Variants in ETS1 observed in about 807,000 individuals in gnomAD.
ETS1 encodes protein C-ets-1.
A neutral mutation model predicts 58.6 loss-of-function variants in ETS1; 15 were observed. That is an observed-to-expected ratio of 0.26 (90% CI 0.17 to 0.39). The LOEUF (loss-of-function observed/expected upper bound fraction) is 0.39. Ranked by LOEUF, ETS1 falls within the 10% of genes least tolerant of loss-of-function variation. ETS1 has a pLI of 1.00. For synonymous variants in ETS1, 214 were observed against 218.2 expected (o/e 0.98, Z 0.17); for missense variants, 417 against 610.5 (o/e 0.68, Z 3.34).
At chr11:128,577,961 C>T (rs1397507398) in intron 1 of ETS1, among the ~76,000 whole-genome samples, 1 of 151,440 alleles carries the variant, frequency 6.6e-6, no homozygotes, top group Non-Finnish European at 1.5e-5. Flanking sequence ...TCTCTAAGCA[C>T]CCTCATCACC....
At chr11:128,472,229 T>G (rs996772002) in intron 8 of ETS1, among the ~76,000 whole-genome samples, 1 of 152,222 alleles carries the variant, frequency 6.6e-6, no homozygotes, top group Non-Finnish European at 1.5e-5. Flanking sequence ...GCCTCAGCTC[T>G]GAATGTCAAA....
At chr11:128,503,424 C>A (rs1863142531) in intron 3 of ETS1, among the ~76,000 whole-genome samples, 2 of 152,192 alleles carry the variant, frequency 1.3e-5, no homozygotes, top group Admixed American at 1.3e-4. Context: ...TGTCAAGATG[C>A]TCAGGGTCCA....
At chr11:128,511,017 C>T (rs1863379635) in intron 3 of ETS1, among the ~76,000 whole-genome samples, 1 of 152,202 alleles carries the variant, frequency 6.6e-6, no homozygotes, top group Non-Finnish European at 1.5e-5. Context: ...CACCCTATGT[C>T]CCAAATGGAA....
At chr11:128,499,257 C>A (rs981635184) in intron 3 of ETS1, among the ~76,000 whole-genome samples, 3 of 152,200 alleles carry the variant, frequency 2.0e-5, no homozygotes, top group African/African-American at 7.2e-5. Flanking sequence ...GCCTTTGAGG[C>A]CTCATCCTCT....
At chr11:128,545,242 C>G (rs1864116209) in intron 3 of ETS1, among the ~76,000 whole-genome samples, 1 of 152,118 alleles carries the variant, frequency 6.6e-6, no homozygotes, top group East Asian at 1.9e-4. Flanking sequence ...CTTGTTTTCC[C>G]TTTTACATCC....
At chr11:128,533,277 C>T (rs749874910) in intron 3 of ETS1, among the ~76,000 whole-genome samples, 5 of 152,222 alleles carry the variant, frequency 3.3e-5, no homozygotes, top group African/African-American at 9.6e-5. Flanking sequence ...CAAGGGCTGC[C>T]GCCGCCATTG....
intron 5 of ETS1, among the ~76,000 whole-genome samples, chr11:128,487,426 T>C (rs1862663673): frequency 6.6e-6 from 1 of 152,296 alleles, no homozygotes; most frequent in East Asian, 1.9e-4. Flanking sequence ...CAGGATGGGA[T>C]GTTAAATTTT....
intron 3 of ETS1, chr11:128,522,255 G>A (rs1255448815): frequency 1.7e-6 from 2 of 1,168,546 alleles, no homozygotes; most frequent in South Asian, 5.7e-5. Flanking sequence ...CCTCCTGCCC[G>A]GCCCTCGCCC....
intron 3 of ETS1, among the ~76,000 whole-genome samples, chr11:128,533,256 A>G (rs1334402247): frequency 6.6e-6 from 1 of 152,222 alleles, no homozygotes; most frequent in Non-Finnish European, 1.5e-5. Context: ...CATTCCCCAC[A>G]TCGCAATACA....
intron 7 of ETS1, among the ~76,000 whole-genome samples, chr11:128,481,670 A>G (rs1253171622): frequency 6.6e-6 from 1 of 152,222 alleles, no homozygotes; most frequent in Non-Finnish European, 1.5e-5. Context: ...ATAAATTTCA[A>G]ATCCCAGAAT....
chr11:128,549,524 A>AC lies in ETS1; in HGVS notation c.214+6766dup, dbSNP rs1864195520. Among the ~76,000 whole-genome samples the AC allele has an allele frequency of 1.3e-5, 2 of 152,098 alleles. No individual in the cohort carries two copies. The highest frequency in any genetic ancestry group is 4.8e-5 in the African/African-American group (2 of 41,422). On this transcript the variant is annotated intron_variant, in intron 3 of 9. Transcript: ENST00000392668. This position sits in a 1 kb window ranked among gnomAD's most constrained non-coding sequence, Gnocchi z 4.3. ...TTTGTGGTTTGAAAAAGTTGAGAGA[A>AC]CGTTTTTTCTCTCCGCAGCCCCCTG...
intron 3 of ETS1, among the ~76,000 whole-genome samples, chr11:128,507,311 AAGGCCAGCGCTGGTTC>A (rs1863268044): frequency 6.6e-6 from 1 of 152,262 alleles, no homozygotes; most frequent in African/African-American, 2.4e-5. Flanking sequence ...CAGGAACCAG[AAGGCCAGCGCTGGTTC>A]AGGGAACACA....
intron 8 of ETS1, among the ~76,000 whole-genome samples, chr11:128,465,606 G>A (rs1387594654): frequency 6.6e-6 from 1 of 152,132 alleles, no homozygotes; most frequent in Non-Finnish European, 1.5e-5. Flanking sequence ...TAGGTTTCTT[G>A]GAGAAACTCA....
At chr11:128,529,942 G>T (rs1863868987) in intron 3 of ETS1, among the ~76,000 whole-genome samples, 1 of 152,020 alleles carries the variant, frequency 6.6e-6, no homozygotes. Flanking sequence ...CCTCTTTTCT[G>T]GTATGTACTC....
intron 3 of ETS1, among the ~76,000 whole-genome samples, chr11:128,521,280 A>C (rs1261460323): frequency 6.6e-6 from 1 of 152,154 alleles, no homozygotes; most frequent in African/African-American, 2.4e-5. Flanking sequence ...CCAGAAGAAA[A>C]ATTTATGGCA....
At chr11:128,478,488 C>T (rs972260986) in intron 8 of ETS1, among the ~76,000 whole-genome samples, 4 of 129,614 alleles carry the variant, frequency 3.1e-5, no homozygotes, top group Admixed American at 1.6e-4. Context: ...GAAGGAAGGG[C>T]AGAAGAGAGG....
At chr11:128,497,674 C>A in intron 3 of ETS1, 1 of 704,440 alleles carries the variant, frequency 1.4e-6, no homozygotes, top group South Asian at 6.4e-5. Context: ...GGAGTTCAGA[C>A]CTGCCAGACA....
intron 3 of ETS1, among the ~76,000 whole-genome samples, chr11:128,553,070 G>A (rs763765172): frequency 7.2e-5 from 11 of 152,196 alleles, no homozygotes; most frequent in South Asian, 2.1e-4. Flanking sequence ...CATTTCAGCC[G>A]TGTCTTGTGT....
At chr11:128,587,189 T>G (rs937366637) in intron 1 of ETS1, among the ~76,000 whole-genome samples, 1 of 138,354 alleles carries the variant, frequency 7.2e-6, no homozygotes, top group Non-Finnish European at 1.6e-5. Context: ...AAAAAAAAAA[T>G]CAGGGTTTCT....
Sources: allele counts gnomAD v4.1 joint callset (sites outside exome capture counted in the v4.1 genomes callset), GRCh38; gene constraint gnomAD v4.1.1; non-coding constraint Gnocchi (gnomAD v3.1); transcripts MANE v1.5; gene names NCBI Gene and HGNC (gene_info 2026-07-23, HGNC 2026-07-21).